The following TBL1Y variants were observed in gnomAD, a reference collection of about 807,000 sequenced individuals.
TBL1Y encodes the protein transducin beta like 1 Y-linked, also known as F-box-like/WD repeat-containing protein TBL1Y.
A neutral mutation model predicts 12.0 loss-of-function variants in TBL1Y; 15 were observed. The ratio of observed to expected loss-of-function variants is 1.25; its 90% CI spans 0.83 to 1.92. TBL1Y has a LOEUF of 1.92. Among genes scored for constraint, TBL1Y ranks in the 40% most tolerant of loss-of-function variants. The pLI, the probability that TBL1Y is intolerant of heterozygous loss-of-function variation, is 0.00. For missense variants in TBL1Y, 148 were observed against 116.7 expected, an observed-to-expected ratio of 1.27 and a Z score of -1.24; for synonymous variants, 53 against 42.6, an observed-to-expected ratio of 1.24 and a Z score of -0.95.
chrY:6,924,268 TA>T (rs2011805820), intron 2 of TBL1Y, among the ~76,000 whole-genome samples: 1 of 33,005 alleles, frequency 3.0e-5, no homozygotes, highest in African/African-American at 1.2e-4. Flanking sequence ...CAGTTGTTCA[TA>T]TATCTTGTCA....
intron 2 of TBL1Y, among the ~76,000 whole-genome samples, chrY:6,949,167 G>T: frequency 3.0e-5 from 1 of 33,644 alleles, no homozygotes; most frequent in African/African-American, 1.2e-4. Context: ...GCATGTACTT[G>T]TGTTTATCAC....
chrY:7,087,753 C>T, intron 17 of TBL1Y, among the ~76,000 whole-genome samples: 1 of 33,279 alleles, frequency 3.0e-5, no homozygotes, highest in Non-Finnish European at 7.4e-5. Flanking sequence ...TTTCTGAGCT[C>T]ATGGCACGAT....
chrY:7,088,073 G>C, intron 17 of TBL1Y, among the ~76,000 whole-genome samples: 1 of 33,021 alleles, frequency 3.0e-5, no homozygotes, highest in Non-Finnish European at 7.4e-5. Flanking sequence ...AAGGTGGCTG[G>C]CTGCTGTGGG....
At position 6,965,147 on chromosome Y, in the gene TBL1Y, T is replaced by G. The variant is rs559505350; in HGVS notation, c.-265-13066T>G. 5.6e-3 allele frequency among the ~76,000 whole-genome samples: 184 copies of G among 32,710 alleles called. No homozygotes were observed. In the South Asian group the frequency reaches 0.13, roughly 23 times the overall value. The allele number at this position is 32,710 out of a possible 37,273, so 87.8% of individuals were successfully genotyped here. Reference sequence around the variant, plus strand: ...CTGTGTCTGGATTGGCATTTGAGGTTGTAATGTCACAGGCATCTGAACCGC... The same window carrying G: ...CTGTGTCTGGATTGGCATTTGAGGTGGTAATGTCACAGGCATCTGAACCGC... On this transcript the variant is annotated intron_variant, in intron 2 of 18. Transcript: ENST00000383032.
intron 2 of TBL1Y, among the ~76,000 whole-genome samples, chrY:6,951,424 C>T (rs2012024025): frequency 9.1e-5 from 3 of 33,059 alleles, no homozygotes; most frequent in African/African-American, 2.4e-4. Flanking sequence ...GTGTATGTGT[C>T]GAGGAATTTA....
intron 2 of TBL1Y, among the ~76,000 whole-genome samples, chrY:6,914,538 AAAC>A (rs2011721128): frequency 3.2e-5 from 1 of 31,213 alleles, no homozygotes; most frequent in Non-Finnish European, 7.7e-5. Flanking sequence ...TAAAAAAAAA[AAAC>A]ATTAGCTGAG....
chrY:7,048,401 T>C, intron 7 of TBL1Y, among the ~76,000 whole-genome samples: 2 of 33,008 alleles, frequency 6.1e-5, no homozygotes, highest in African/African-American at 2.4e-4. Context: ...CCATAAATTA[T>C]GTATTTTGCC....
intron 2 of TBL1Y, among the ~76,000 whole-genome samples, chrY:6,942,532 G>A (rs2011959064): frequency 3.0e-5 from 1 of 32,982 alleles, no homozygotes; most frequent in Admixed American, 2.8e-4. Flanking sequence ...AGAGTGAGCA[G>A]AGATTGACAA....
chrY:6,970,230 T>C, intron 2 of TBL1Y, among the ~76,000 whole-genome samples: 4 of 33,553 alleles, frequency 1.2e-4, no homozygotes, highest in Non-Finnish European at 2.9e-4. Context: ...AGCTGATACA[T>C]GTGAAAGCGC....
intron 2 of TBL1Y, among the ~76,000 whole-genome samples, chrY:6,935,017 C>A: frequency 9.4e-5 from 3 of 31,795 alleles, no homozygotes; most frequent in Admixed American, 8.7e-4. Context: ...GGCTAATTTT[C>A]TTTTCTTTTC....
In TBL1Y at chrY:7,033,370, C is replaced by T. The variant is rs373604208; in HGVS notation, c.58+8228C>T. Among the ~76,000 whole-genome samples, 7 of 33,385 alleles carry T rather than the reference C, an allele frequency of 2.1e-4. No homozygotes were observed. The South Asian group carries it at 4.8e-3, about 23-fold the overall frequency. 89.6% of individuals were successfully genotyped at this position (33,385 alleles called of 37,273 possible). On this transcript the variant is annotated intron_variant, in intron 6 of 18. Coordinates refer to ENST00000383032, the MANE Select transcript of TBL1Y (RefSeq NM_033284.2). ...CCTACCAACCAAAAATTCTCCAGGACGAGACAGATCCACAGGCAAATTCTA... is the reference window on the plus strand; with the variant it reads ...CCTACCAACCAAAAATTCTCCAGGATGAGACAGATCCACAGGCAAATTCTA...
intron 2 of TBL1Y, chrY:6,920,147 G>C (rs2011766410): frequency 3.0e-5 from 1 of 33,561 alleles, no homozygotes; most frequent in Non-Finnish European, 7.3e-5. Flanking sequence ...AAAAAAATCA[G>C]GTGTGTTGTT....
At chrY:6,975,633 G>A in intron 2 of TBL1Y, among the ~76,000 whole-genome samples, 1 of 32,416 alleles carries the variant, frequency 3.1e-5, no homozygotes, top group Middle Eastern at 0.014. Flanking sequence ...TCAGGACAAA[G>A]TATATTTCTA....
intron 2 of TBL1Y, among the ~76,000 whole-genome samples, chrY:6,917,639 A>G (rs763378600): frequency 4.8e-4 from 16 of 33,076 alleles, no homozygotes; most frequent in Admixed American, 1.9e-3. Flanking sequence ...AATGATCACA[A>G]ATGAGGTCAG....
intron 7 of TBL1Y, among the ~76,000 whole-genome samples, chrY:7,063,090 C>G: frequency 9.1e-5 from 3 of 32,942 alleles, no homozygotes; most frequent in Non-Finnish European, 1.5e-4. Context: ...ATTTTTCACC[C>G]CTGAGACCGC....
At chrY:7,038,294 T>C in intron 6 of TBL1Y, among the ~76,000 whole-genome samples, 1 of 32,941 alleles carries the variant, frequency 3.0e-5, no homozygotes, top group Non-Finnish European at 7.4e-5. Context: ...TTATTTTGAT[T>C]ATACTCTTCT....
At chrY:6,939,224 C>T (rs113188415) in intron 2 of TBL1Y, among the ~76,000 whole-genome samples, 2 of 32,329 alleles carry the variant, frequency 6.2e-5, no homozygotes, top group South Asian at 7.3e-4. Context: ...AGACACAGAG[C>T]GCTGATTGGT....
At chrY:7,019,278 A>G (rs2012570981) in intron 4 of TBL1Y, among the ~76,000 whole-genome samples, 1 of 33,699 alleles carries the variant, frequency 3.0e-5, no homozygotes, top group African/African-American at 1.2e-4. Context: ...CAGGTGTTGG[A>G]AGGTCTGATT....
In TBL1Y at chrY:7,056,978, C is replaced by T. The variant is rs75815456; in HGVS notation, c.205-6919C>T. ...ACTCACGTGGCCCCTCCTGCTGTGTCGTTCCTCTATTGGCTAGGGTTAGAC... is the reference window on the plus strand; with the variant it reads ...ACTCACGTGGCCCCTCCTGCTGTGTTGTTCCTCTATTGGCTAGGGTTAGAC... On this transcript the variant is annotated intron_variant, in intron 7 of 18. Coordinates refer to ENST00000383032, the MANE Select transcript of TBL1Y (RefSeq NM_033284.2). 0.018 allele frequency among the ~76,000 whole-genome samples: 593 copies of T among 33,513 alleles called. No individual in the cohort carries two copies. The East Asian group carries it at 0.45, about 26-fold the overall frequency. The allele number at this position is 33,513 out of a possible 37,273, so 89.9% of individuals were successfully genotyped here.
Sources: allele counts gnomAD v4.1 joint callset (sites outside exome capture counted in the v4.1 genomes callset), GRCh38; gene constraint gnomAD v4.1.1; transcripts MANE v1.5; gene names NCBI Gene and HGNC (gene_info 2026-07-23, HGNC 2026-07-21).